The following CPT1C variants were observed in gnomAD, a reference collection of about 807,000 sequenced individuals.
The protein encoded by CPT1C is carnitine palmitoyltransferase 1C, also known as palmitoyl thioesterase CPT1C.
Under a neutral mutation model 97.3 loss-of-function variants are expected in CPT1C, and 61 were observed. The ratio of observed to expected loss-of-function variants is 0.63; its 90% CI spans 0.51 to 0.78. The LOEUF (loss-of-function observed/expected upper bound fraction) is 0.78. CPT1C is among the 30% of genes least tolerant of loss of function. The pLI is 0.00. For synonymous variants in CPT1C, 469 were observed against 447.2 expected (o/e 1.05, Z -0.61); for missense variants, 975 against 1,065.5 (o/e 0.92, Z 1.18).
At chr19:49,711,314 C>G (rs1414625707) in intron 16 of CPT1C, 1 of 151,404 alleles carries the variant, frequency 6.6e-6, no homozygotes, top group Admixed American at 6.7e-5. Flanking sequence ...ACCATGTTGG[C>G]CAGGCTGGTC....
At chr19:49,697,635 T>C in intron 4 of CPT1C, 170 bp downstream of exon 4, 2 of 710,530 alleles carry the variant, frequency 2.8e-6, no homozygotes, top group Non-Finnish European at 4.5e-6. Context: ...CCGGGCACAG[T>C]GGCTCACCCC....
In CPT1C at chr19:49,713,523, A is replaced by G. The variant is rs1277122871; in HGVS notation, c.2330A>G (p.Lys777Arg). The change falls in exon 20 of 20, where the codon AAG (lysine) becomes AGG (arginine). Residue 777 changes from lysine (K) to arginine (R), a missense_variant. Lys to Arg is a conservative substitution (Grantham distance 26, BLOSUM62 2). Transcript: ENST00000598293. Reference sequence around the variant, plus strand: ...AAGCGCCGGTTCAGAGGGTCAGGGAAGGAGAACTCCAGGCACAGGTGTGGA... The same window carrying G: ...AAGCGCCGGTTCAGAGGGTCAGGGAGGGAGAACTCCAGGCACAGGTGTGGA... ...HFKRRFRGSG[K>R]ENSRHRCGFL... is the part of the protein sequence containing the mutation. 2.5e-6 allele frequency: 4 copies of G among 1,614,228 alleles called. No homozygotes were observed. Among genetic ancestry groups the G allele is most frequent in the Non-Finnish European group, 3.4e-6 (4 of 1,180,032 alleles).
intron 17 of CPT1C, 24 bp downstream of exon 17, chr19:49,711,985 G>C (rs1231865140): frequency 1.2e-6 from 2 of 1,608,498 alleles, no homozygotes; most frequent in Non-Finnish European, 1.7e-6. Context: ...GAAAGGGTTA[G>C]AGAGGGAAGT....
At chr19:49,705,395 C>T (rs947350835) in intron 10 of CPT1C, 97 bp downstream of exon 10, 6 of 1,039,826 alleles carry the variant, frequency 5.8e-6, no homozygotes, top group East Asian at 2.4e-5. Flanking sequence ...GGAACCATTG[C>T]TTCCTTGCTG....
chr19:49,702,268 A>G (rs2123340259), intron 7 of CPT1C, among the ~76,000 whole-genome samples: 1 of 148,394 alleles, frequency 6.7e-6, no homozygotes, highest in East Asian at 1.9e-4. Context: ...AGTTTGGGGT[A>G]TAGATGCTCC....
chr19:49,712,894 T>TG (rs1402023014), intron 18 of CPT1C, 45 bp downstream of exon 18: 6 of 1,591,712 alleles, frequency 3.8e-6, no homozygotes, highest in Non-Finnish European at 5.2e-6. Context: ...AAGAGGGGGC[T>TG]GGGGGGCCTG....
chr19:49,711,610 C>G (rs559318593), intron 16 of CPT1C, 199 bp from the exon 17 acceptor site: 1 of 609,778 alleles, frequency 1.6e-6, no homozygotes, highest in Admixed American at 3.1e-5. Context: ...CCTAGGAACC[C>G]GCCTGGCTCT....
intron 14 of CPT1C, among the ~76,000 whole-genome samples, 186 bp downstream of exon 14, chr19:49,709,025 T>C (rs1477602393): frequency 8.1e-6 from 1 of 123,142 alleles, no homozygotes; most frequent in Non-Finnish European, 1.6e-5. Context: ...AACACGAACC[T>C]CATCTCCAGC....
chr19:49,705,146 G>T (rs368063438), intron 9 of CPT1C, 32 bp downstream of exon 9: 3 of 1,613,122 alleles, frequency 1.9e-6, no homozygotes, highest in South Asian at 2.2e-5. Flanking sequence ...AGGGATGGAG[G>T]TGTGGTCCTG....
intron 7 of CPT1C, among the ~76,000 whole-genome samples, chr19:49,703,350 C>CTTT (rs59161524): frequency 2.8e-3 from 389 of 136,542 alleles, no homozygotes; most frequent in African/African-American, 0.01. Flanking sequence ...TGGCTAATTT[C>CTTT]TTTTTTTTTT....
chr19:49,710,399 C>T lies in CPT1C; in HGVS notation c.1646C>T (p.Ser549Phe), dbSNP rs1206306340. Residue 549 changes from serine to phenylalanine, a missense_variant, in exon 15 of 20, where the codon TCC (serine) becomes TTC (phenylalanine). Ser to Phe is a radical substitution (Grantham distance 155, BLOSUM62 -2). Around this residue, in one of 3 missense-constraint regions of CPT1C, gnomAD observed 344 missense variants for 395.7 expected, o/e 0.87. Coordinates refer to ENST00000598293, the MANE Select transcript of CPT1C (RefSeq NM_001199753.2). ...GTCGACTGCCATGTCGTTCCATTCTCCCTATTTGGCAAGAGCTTCATCCGA... is the reference window on the plus strand; with the variant it reads ...GTCGACTGCCATGTCGTTCCATTCTTCCTATTTGGCAAGAGCTTCATCCGA... Reference protein sequence around the residue: ...ENVDCHVVPFSLFGKSFIRRC... With the variant: ...ENVDCHVVPFFLFGKSFIRRC... The T allele has an allele frequency of 6.8e-6, 11 of 1,614,164 alleles. No homozygotes were observed. Among genetic ancestry groups the T allele is most frequent in the Non-Finnish European group, 9.3e-6 (11 of 1,180,044 alleles).
Position 49,701,963 on chromosome 19 carries a change from T to TAA in CPT1C, c.693+330_693+331insAA, listed in dbSNP as rs2083122754. On this transcript the variant is annotated intron_variant, in intron 7 of 19. Transcript: ENST00000598293. The stretch of plus-strand genomic sequence containing the variant: ...ATAAATTTATATATAAATATATTTA[T>TAA]ATATAAATTTATAAATAAATATATA... Among the ~76,000 whole-genome samples the TAA allele has an allele frequency of 6.3e-5, 6 of 95,720 alleles. 1 individual carries two copies. The highest frequency in any genetic ancestry group is 5.6e-4 in the South Asian group (2 of 3,546). 62.8% of individuals were successfully genotyped at this position (95,720 alleles called of 152,430 possible). A position where few individuals can be genotyped will look rare whatever the true frequency, so the allele number is the denominator to read the frequency against.
Position 49,706,451 on chromosome 19 carries a change from C to G in CPT1C, c.1343+38C>G. On this transcript the variant is annotated intron_variant, in intron 12 of 19. Transcript: ENST00000598293. This position sits in a 1 kb window ranked among gnomAD's most constrained non-coding sequence, Gnocchi z 4.8. ...TGGGATGGGGCCCCCAGATGTGGCA[C>G]CCGAGAATCCAGTATCAGACCTAGG... 1 of 1,424,706 alleles carries G rather than the reference C, an allele frequency of 7.0e-7. No individual in the cohort carries two copies. The highest frequency in any genetic ancestry group is 9.1e-7 in the Non-Finnish European group (1 of 1,095,626). The allele number at this position is 1,424,706 out of a possible 1,614,324, so 88.3% of individuals were successfully genotyped here.
rs768602342 is a variant in CPT1C at position 49,701,410 on chromosome 19, G to T, written c.547G>T (p.Val183Leu). The T allele has an allele frequency of 1.8e-5, 29 of 1,609,228 alleles. No individual in the cohort carries two copies. The East Asian group carries it at 4.7e-4, about 26-fold the overall frequency. The change falls in exon 6 of 20, where the codon GTG (valine) becomes TTG (leucine). Residue 183 changes from valine to leucine, a missense_variant. Around this residue, in one of 3 missense-constraint regions of CPT1C, gnomAD observed 596 missense variants for 603.1 expected, o/e 0.99. Coordinates refer to ENST00000598293, the MANE Select transcript of CPT1C (RefSeq NM_001199753.2). ...GCCCGTGCCCTCTGTGCAGGACACC[G>T]TGCGCAAGGTGGGCCTGGGAGCGCG... ...RQPVPSVQDT[V>L]RKYLESVRPI...
At position 49,706,418 on chromosome 19, in the gene CPT1C, G is replaced by A; in HGVS notation, c.1343+5G>A. Reference sequence around the variant, plus strand: ...GGCCGGCCGGGGCCATGATCGGTGAGTGAGTCTTGGGATGGGGCCCCCAGA... The same window carrying A: ...GGCCGGCCGGGGCCATGATCGGTGAATGAGTCTTGGGATGGGGCCCCCAGA... On this transcript the variant is annotated splice_donor_5th_base_variant and intron_variant, in intron 12 of 19. Transcript: ENST00000598293. The surrounding 1 kb of genome is among the most constrained non-coding windows in gnomAD (Gnocchi z 4.8). The A allele has an allele frequency of 6.8e-7, 1 of 1,474,944 alleles. No individual in the cohort carries two copies. Among genetic ancestry groups the A allele is most frequent in the Non-Finnish European group, 8.9e-7 (1 of 1,122,054 alleles). The allele number at this position is 1,474,944 out of a possible 1,614,324, so 91.4% of individuals were successfully genotyped here.
At chr19:49,700,024 G>A (rs148147199) in intron 4 of CPT1C, among the ~76,000 whole-genome samples, 2,545 of 151,648 alleles carry the variant, frequency 0.017, 52 homozygotes, top group African/African-American at 0.057. Context: ...AAGGCAGGCG[G>A]ATCACGAGGT....
chr19:49,709,409 C>T (rs2083708811), intron 14 of CPT1C, among the ~76,000 whole-genome samples: 1 of 151,734 alleles, frequency 6.6e-6, no homozygotes. Flanking sequence ...CCATGCCCAA[C>T]TCGAATTCAC....
At chr19:49,701,187 T>C (rs1162826424) in intron 5 of CPT1C, 130 bp from the exon 6 acceptor site, 22 of 727,532 alleles carry the variant, frequency 3.0e-5, no homozygotes, top group Non-Finnish European at 4.9e-5. Context: ...TTCCTTTCTC[T>C]CTTGGGGTCT....
upstream of CPT1C, chr19:49,690,960 T>TAGAATGC (rs1237098509): frequency 6.5e-6 from 1 of 154,242 alleles, no homozygotes. This position sits in a 1 kb window ranked among gnomAD's most constrained non-coding sequence, Gnocchi z 4.4. Context: ...AACAGCTGCG[T>TAGAATGC]AGAATGCGAG....
Sources: gnomAD v4.1 joint callset for allele counts (sites outside exome capture counted in the v4.1 genomes callset) on GRCh38, gnomAD v4.1.1 for gene constraint, gnomAD v4.1.1 regional missense constraint, Gnocchi (gnomAD v3.1) non-coding constraint, MANE v1.5 for transcripts, NCBI Gene and HGNC (gene_info 2026-07-23, HGNC 2026-07-21) for gene names.